Variants in ETV6 observed in about 807,000 individuals in gnomAD.
ETV6 encodes transcription factor ETV6.
Under a neutral mutation model 51.1 loss-of-function variants are expected in ETV6, and 16 were observed. That is an observed-to-expected ratio of 0.31 (90% CI 0.21 to 0.48). The LOEUF is 0.48. Ranked by LOEUF, ETV6 falls within the 20% of genes least tolerant of loss-of-function variation. The pLI, the probability that ETV6 is intolerant of heterozygous loss-of-function variation, is 0.99. For synonymous variants in ETV6, 240 were observed against 224.1 expected (o/e 1.07, Z -0.64); for missense variants, 458 against 594.8 (o/e 0.77, Z 2.39).
chr12:11,673,687 C>G (rs1030709100), intron 1 of ETV6, among the ~76,000 whole-genome samples: 1 of 152,232 alleles, frequency 6.6e-6, no homozygotes, highest in African/African-American at 2.4e-5. Flanking sequence ...ATCAGTTTCT[C>G]TCTTATGTAA....
chr12:11,793,884 A>G (rs890205478), intron 2 of ETV6, among the ~76,000 whole-genome samples: 3 of 152,162 alleles, frequency 2.0e-5, no homozygotes, highest in Non-Finnish European at 2.9e-5. Context: ...GTGTCCACCT[A>G]CTGTTTATTT....
intron 1 of ETV6, chr12:11,751,882 G>T (rs1189205346): frequency 7.9e-6 from 4 of 504,428 alleles, no homozygotes; most frequent in African/African-American, 7.8e-5. Context: ...GGTTGTGGTG[G>T]TTGTATAGTG....
chr12:11,707,569 G>T (rs986315354), intron 1 of ETV6, among the ~76,000 whole-genome samples: 3 of 152,210 alleles, frequency 2.0e-5, no homozygotes, highest in African/African-American at 7.2e-5. Context: ...GGTGTTCTCA[G>T]ATTGCTTTAG....
At chr12:11,752,766 T>G (rs1414115255) in intron 2 of ETV6, 187 bp downstream of exon 2, 1 of 571,348 alleles carries the variant, frequency 1.8e-6, no homozygotes, top group African/African-American at 1.9e-5. Context: ...TTCCTGTTCC[T>G]TGTTTCTCAG....
intron 1 of ETV6, among the ~76,000 whole-genome samples, chr12:11,698,021 T>C (rs1018823437): frequency 6.6e-6 from 1 of 152,206 alleles, no homozygotes; most frequent in Non-Finnish European, 1.5e-5. Flanking sequence ...TAAAAAAACC[T>C]CTGGTTGTTC....
intron 2 of ETV6, among the ~76,000 whole-genome samples, chr12:11,790,100 C>CTT (rs35109718): frequency 0.04 from 5,842 of 147,802 alleles, 329 homozygotes; most frequent in African/African-American, 0.12. Flanking sequence ...GTCAGCACTT[C>CTT]TTTTTTTTTT....
intron 1 of ETV6, among the ~76,000 whole-genome samples, chr12:11,728,928 G>A (rs1289465547): frequency 2.6e-5 from 4 of 152,158 alleles, no homozygotes; most frequent in South Asian, 2.1e-4. Context: ...AGTTATCAAT[G>A]TTTATTTACA....
chr12:11,681,213 A>G (rs947999333), intron 1 of ETV6, among the ~76,000 whole-genome samples: 4 of 152,164 alleles, frequency 2.6e-5, no homozygotes, highest in African/African-American at 9.7e-5. Context: ...TAGCAAATCC[A>G]TTGGGTTTCT....
intron 1 of ETV6, among the ~76,000 whole-genome samples, chr12:11,710,676 C>T (rs1396266308): frequency 6.6e-6 from 1 of 152,236 alleles, no homozygotes; most frequent in Non-Finnish European, 1.5e-5. Flanking sequence ...GGGCCCTGCG[C>T]TCTGCTAGTT....
intron 2 of ETV6, among the ~76,000 whole-genome samples, chr12:11,820,113 T>C (rs1457711873): frequency 1.3e-5 from 2 of 152,248 alleles, no homozygotes; most frequent in African/African-American, 4.8e-5. Context: ...GTCCTGTTAC[T>C]ATCCGAGTTT....
At chr12:11,883,040 C>T (rs901431983) in intron 5 of ETV6, among the ~76,000 whole-genome samples, 3 of 152,218 alleles carry the variant, frequency 2.0e-5, no homozygotes, top group Admixed American at 1.3e-4. Context: ...GATCTTCCAT[C>T]ACCAGCCATT....
chr12:11,726,606 C>A (rs2120952438), intron 1 of ETV6, among the ~76,000 whole-genome samples: 1 of 152,220 alleles, frequency 6.6e-6, no homozygotes, highest in East Asian at 1.9e-4. Flanking sequence ...AGTGAAACTT[C>A]ATCCCTAGAA....
At chr12:11,753,902 A>G (rs1944959605) in intron 2 of ETV6, among the ~76,000 whole-genome samples, 1 of 152,226 alleles carries the variant, frequency 6.6e-6, no homozygotes, top group African/African-American at 2.4e-5. Context: ...AGGGAAGTAA[A>G]GGACACAGCC....
intron 1 of ETV6, among the ~76,000 whole-genome samples, chr12:11,738,997 G>C (rs1280923677): frequency 6.6e-6 from 1 of 152,148 alleles, no homozygotes; most frequent in African/African-American, 2.4e-5. Flanking sequence ...GGGGAGGAGA[G>C]CTGAAACTTT....
chr12:11,688,375 G>T (rs932152993), intron 1 of ETV6, among the ~76,000 whole-genome samples: 31 of 152,202 alleles, frequency 2.0e-4, no homozygotes, highest in African/African-American at 6.0e-4. Context: ...TGCATTGCAG[G>T]GCAGCCACTA....
chr12:11,706,919 G>C (rs1389671933), intron 1 of ETV6, among the ~76,000 whole-genome samples: 1 of 152,214 alleles, frequency 6.6e-6, no homozygotes, highest in East Asian at 1.9e-4. Flanking sequence ...AGTTTGTACT[G>C]TCAGGTAGAC....
At position 11,772,927 on chromosome 12, in the gene ETV6, G is replaced by A. The variant is rs535386421; in HGVS notation, c.163+20348G>A. The stretch of plus-strand genomic sequence containing the variant: ...TGAAAAATCTTGGCCAGGTGCAGTG[G>A]CTCATGCCTGTAATCCCAGCACTTT... On this transcript the variant is annotated intron_variant, in intron 2 of 7. Coordinates refer to ENST00000396373, the MANE Select transcript of ETV6 (RefSeq NM_001987.5). Among the ~76,000 whole-genome samples the A allele has an allele frequency of 7.9e-5, 12 of 152,270 alleles. No homozygotes were observed. In the South Asian group the frequency reaches 1.7e-3, roughly 21 times the overall value.
At chr12:11,768,597 G>A (rs575866135) in intron 2 of ETV6, among the ~76,000 whole-genome samples, 5 of 152,242 alleles carry the variant, frequency 3.3e-5, no homozygotes, top group East Asian at 1.9e-4. Flanking sequence ...AGTCAAACCC[G>A]TACCAGGGCT....
intron 2 of ETV6, among the ~76,000 whole-genome samples, chr12:11,779,290 T>C (rs867347879): frequency 6.6e-6 from 1 of 152,226 alleles, no homozygotes; most frequent in Non-Finnish European, 1.5e-5. Context: ...GCAGCAAATA[T>C]ATTTGGCAGA....
Sources: gnomAD v4.1 joint callset for allele counts (sites outside exome capture counted in the v4.1 genomes callset) on GRCh38, gnomAD v4.1.1 for gene constraint, MANE v1.5 for transcripts, NCBI Gene and HGNC (gene_info 2026-07-23, HGNC 2026-07-21) for gene names.